The following DAB1 variants were observed in gnomAD, a reference collection of about 807,000 sequenced individuals.
DAB1 encodes the protein disabled homolog 1.
In DAB1, 15 loss-of-function variants were observed where a neutral mutation model predicts 64.6. The ratio of observed to expected loss-of-function variants is 0.23; its 90% confidence interval spans 0.16 to 0.36. The LOEUF (loss-of-function observed/expected upper bound fraction) is 0.36. Among genes scored for constraint, DAB1 ranks in the 10% least tolerant of loss-of-function variants. The pLI is 1.00. For missense variants in DAB1, 596 were observed against 706.7 expected, an observed-to-expected ratio of 0.84 and a Z score of 1.78; for synonymous variants, 235 against 251.9, an observed-to-expected ratio of 0.93 and a Z score of 0.64.
At chr1:57,121,579 G>T (rs890476192) in intron 4 of DAB1, among the ~76,000 whole-genome samples, 26 of 152,034 alleles carry the variant, frequency 1.7e-4, no homozygotes, top group Middle Eastern at 3.4e-3. Context: ...AAAGAAAAAA[G>T]AAAACCCGGC....
intron 4 of DAB1, among the ~76,000 whole-genome samples, chr1:58,324,945 G>A (rs1232026987): frequency 6.6e-6 from 1 of 152,190 alleles, no homozygotes; most frequent in Non-Finnish European, 1.5e-5. Context: ...CTGTGCTATG[G>A]ACACCACCAA....
intron 6 of DAB1, among the ~76,000 whole-genome samples, chr1:57,811,936 G>A (rs1451789502): frequency 6.6e-6 from 1 of 152,070 alleles, no homozygotes; most frequent in African/African-American, 2.4e-5. Context: ...GTGAGGAGAT[G>A]GTCAGTAGGA....
At position 58,393,984 on chromosome 1, in the gene DAB1, T is replaced by C. The variant is rs56041846; in HGVS notation, n.258-50581A>G. 7.3e-3 allele frequency among the ~76,000 whole-genome samples: 1,112 copies of C among 152,260 alleles called. 14 individuals carry two copies. Among genetic ancestry groups the C allele is most frequent in the South Asian group, 0.019 (93 of 4,826 alleles). The stretch of plus-strand genomic sequence containing the variant: ...AAAACATCATGTCATGCCCCATAAA[T>C]ATATGTAATTATTATTTGTCAATTA... On this transcript the variant is annotated intron_variant and non_coding_transcript_variant, in intron 3 of 20. Transcript: ENST00000485760.
intron 5 of DAB1, among the ~76,000 whole-genome samples, chr1:58,092,121 G>T (rs768518341): frequency 3.3e-5 from 5 of 151,950 alleles, no homozygotes; most frequent in Non-Finnish European, 7.4e-5. Context: ...TGGATCACGA[G>T]GTCAGGAGTT....
intron 4 of DAB1, among the ~76,000 whole-genome samples, chr1:58,288,019 CAAAAA>C (rs763850453): frequency 9.6e-4 from 21 of 21,976 alleles, no homozygotes; most frequent in Non-Finnish European, 1.6e-3. Flanking sequence ...AAGACTGCCT[CAAAAA>C]AAAAAAAAAA....
Position 57,118,346 on chromosome 1 carries a change from C to A in DAB1, c.306+18197G>T, listed in dbSNP as rs192034390. Reference sequence around the variant, plus strand: ...AAAACTGATTGGAAGTCTGAAGGGGCCACATAATTCATGTTTGGACAAGAC... The same window carrying A: ...AAAACTGATTGGAAGTCTGAAGGGGACACATAATTCATGTTTGGACAAGAC... On this transcript the variant is annotated intron_variant, in intron 4 of 14. Coordinates refer to ENST00000371236, the MANE Select transcript of DAB1 (RefSeq NM_001365792.1). Among the ~76,000 whole-genome samples, 142 of 152,238 alleles carry A rather than the reference C, an allele frequency of 9.3e-4. 1 individual carries two copies. The highest frequency in any genetic ancestry group is 3.1e-3 in the African/African-American group (128 of 41,528).
chr1:57,618,045 T>C (rs1325470427), intron 7 of DAB1, among the ~76,000 whole-genome samples: 1 of 152,164 alleles, frequency 6.6e-6, no homozygotes, highest in Non-Finnish European at 1.5e-5. Context: ...GGAAGAGATC[T>C]TCTTCCTCAG....
intron 14 of DAB1, among the ~76,000 whole-genome samples, chr1:57,000,395 A>G (rs1645813959): frequency 6.6e-6 from 1 of 152,052 alleles, no homozygotes; most frequent in African/African-American, 2.4e-5. Flanking sequence ...CCTCAATGAG[A>G]GTCTGTTGAA....
intron 4 of DAB1, among the ~76,000 whole-genome samples, chr1:57,136,050 C>A (rs757969993): frequency 4.6e-5 from 7 of 152,060 alleles, no homozygotes; most frequent in Non-Finnish European, 4.4e-5. Flanking sequence ...AACGTATCAG[C>A]CCTTAAATTT....
chr1:57,714,767 C>G (rs1647065959), intron 6 of DAB1, among the ~76,000 whole-genome samples: 1 of 151,922 alleles, frequency 6.6e-6, no homozygotes, highest in African/African-American at 2.4e-5. Flanking sequence ...AAGGGAGGGC[C>G]CTTGTAGGGT....
At chr1:57,906,936 GCAGATAGATAGATAGATAGA>G (rs1275365484) in intron 5 of DAB1, among the ~76,000 whole-genome samples, 3 of 121,250 alleles carry the variant, frequency 2.5e-5, no homozygotes, top group African/African-American at 9.2e-5. Flanking sequence ...AATATAATAT[GCAGATAGATAGATAGATAGA>G]TAGATAGATA....
At chr1:57,565,362 C>G (rs1331750216) in intron 7 of DAB1, among the ~76,000 whole-genome samples, 3 of 152,162 alleles carry the variant, frequency 2.0e-5, no homozygotes, top group Admixed American at 2.0e-4. Context: ...GAAACTGCAT[C>G]AACTAACGAG....
intron 5 of DAB1, among the ~76,000 whole-genome samples, chr1:58,096,021 G>A (rs187968869): frequency 1.3e-5 from 2 of 152,178 alleles, no homozygotes; most frequent in Admixed American, 1.3e-4. Flanking sequence ...ATTCAGCTGT[G>A]GGGTGATTGG....
intron 13 of DAB1, 136 bp downstream of exon 13, chr1:57,011,009 T>G: frequency 1.7e-6 from 2 of 1,208,154 alleles, no homozygotes; most frequent in Non-Finnish European, 2.3e-6. Context: ...GAAAGCCCCT[T>G]TAGCAACCCC....
At chr1:57,789,911 T>C (rs560479587) in intron 6 of DAB1, among the ~76,000 whole-genome samples, 2 of 152,224 alleles carry the variant, frequency 1.3e-5, no homozygotes, top group East Asian at 3.9e-4. Flanking sequence ...CCTGCCAAGG[T>C]GTGGCAGAGG....
chr1:57,207,504 C>T (rs1665671829), intron 2 of DAB1, among the ~76,000 whole-genome samples: 1 of 121,288 alleles, frequency 8.2e-6, no homozygotes, highest in South Asian at 2.7e-4. Context: ...AGTGCAGTGG[C>T]GGGATCTCGG....
intron 6 of DAB1, among the ~76,000 whole-genome samples, chr1:57,810,262 A>G (rs1038537478): frequency 1.3e-5 from 2 of 152,144 alleles, no homozygotes; most frequent in Non-Finnish European, 2.9e-5. Context: ...TCCTTAAGAG[A>G]AGAGGGCCTA....
At chr1:58,381,648 G>A (rs1287104288) in intron 3 of DAB1, among the ~76,000 whole-genome samples, 1 of 152,186 alleles carries the variant, frequency 6.6e-6, no homozygotes, top group Non-Finnish European at 1.5e-5. Context: ...AATTAAGAAT[G>A]CTTCCAAGGT....
chr1:57,552,431 T>C (rs1341319), intron 7 of DAB1, among the ~76,000 whole-genome samples: 93,546 of 152,032 alleles, frequency 0.62, 32,223 homozygotes, highest in Non-Finnish European at 0.77. Context: ...GCTGGGGCTA[T>C]GTAGAGGGGA....
Sources: gnomAD v4.1 joint callset for allele counts (sites outside exome capture counted in the v4.1 genomes callset) on GRCh38, gnomAD v4.1.1 for gene constraint, MANE v1.5 for transcripts, NCBI Gene and HGNC (gene_info 2026-07-23, HGNC 2026-07-21) for gene names.